GRIN2B: variants seen among roughly 807,000 people sequenced by gnomAD.
The protein encoded by GRIN2B is glutamate receptor ionotropic, NMDA 2B.
In GRIN2B, 5 loss-of-function variants were observed where a neutral mutation model predicts 114.5. The ratio of observed to expected loss-of-function variants is 0.04; its 90% CI spans 0.02 to 0.09. The LOEUF is 0.09. GRIN2B is among the 10% of genes least tolerant of loss of function. GRIN2B has a pLI of 1.00. For missense variants in GRIN2B, 1,108 were observed against 1,943.5 expected (o/e 0.57, Z 8.08); for synonymous variants, 787 against 745.1 (o/e 1.06, Z -0.92).
intron 5 of GRIN2B, among the ~76,000 whole-genome samples, chr12:13,632,890 C>T (rs1430989984): frequency 6.6e-6 from 1 of 152,204 alleles, no homozygotes; most frequent in African/African-American, 2.4e-5. Flanking sequence ...ATATTGGAAT[C>T]GCTAAGCAGG....
At chr12:13,832,119 T>C (rs1443929523) in intron 3 of GRIN2B, among the ~76,000 whole-genome samples, 2 of 152,150 alleles carry the variant, frequency 1.3e-5, no homozygotes, top group Non-Finnish European at 2.9e-5. Flanking sequence ...CAAATGAAAA[T>C]AGAGTCCATG....
chr12:13,658,600 G>A (rs1042343567), intron 5 of GRIN2B, among the ~76,000 whole-genome samples: 2 of 152,028 alleles, frequency 1.3e-5, no homozygotes, highest in Admixed American at 6.6e-5. Flanking sequence ...AGATTTTGAA[G>A]AGCACAGATC....
At chr12:13,968,033 G>C (rs1170937863) in intron 2 of GRIN2B, among the ~76,000 whole-genome samples, 1 of 152,200 alleles carries the variant, frequency 6.6e-6, no homozygotes, top group Admixed American at 6.5e-5. Context: ...TCTCCTTTCT[G>C]ACAAGTATTT....
intron 10 of GRIN2B, among the ~76,000 whole-genome samples, chr12:13,600,377 T>C (rs556741544): frequency 1.3e-5 from 2 of 152,348 alleles, no homozygotes; most frequent in Non-Finnish European, 2.9e-5. Flanking sequence ...ATCTATTTAG[T>C]AAGTCTTCTA....
intron 3 of GRIN2B, among the ~76,000 whole-genome samples, chr12:13,865,253 T>C (rs1865808909): frequency 1.3e-5 from 2 of 152,048 alleles, no homozygotes; most frequent in Admixed American, 1.3e-4. Flanking sequence ...TTTCAGTGAG[T>C]CCATTTACAA....
At chr12:13,795,127 A>C (rs1482462056) in intron 3 of GRIN2B, among the ~76,000 whole-genome samples, 1 of 152,206 alleles carries the variant, frequency 6.6e-6, no homozygotes, top group East Asian at 1.9e-4. Context: ...TTAGAACCAA[A>C]CAAGAAAAGT....
chr12:13,901,580 A>G (rs1866453716), intron 2 of GRIN2B, among the ~76,000 whole-genome samples: 1 of 152,140 alleles, frequency 6.6e-6, no homozygotes, highest in Non-Finnish European at 1.5e-5. Flanking sequence ...TTTAATTTAA[A>G]TAGGCGTATG....
intron 5 of GRIN2B, among the ~76,000 whole-genome samples, chr12:13,636,902 G>T (rs1198281211): frequency 5.3e-5 from 8 of 152,156 alleles, no homozygotes; most frequent in Admixed American, 5.2e-4. Context: ...GTTAATACTT[G>T]TAAAGCACTT....
chr12:13,952,695 G>A (rs1442831872), intron 2 of GRIN2B, among the ~76,000 whole-genome samples: 1 of 152,024 alleles, frequency 6.6e-6, no homozygotes, highest in African/African-American at 2.4e-5. Context: ...AATAGCATGA[G>A]GTTTCCAATC....
At chr12:13,574,156 T>C (rs1948743642) in intron 10 of GRIN2B, among the ~76,000 whole-genome samples, 2 of 152,210 alleles carry the variant, frequency 1.3e-5, no homozygotes, top group Non-Finnish European at 2.9e-5. Flanking sequence ...GTGGCATTGA[T>C]AGCTAACAGA....
At chr12:13,674,885 G>C (rs1383026751) in intron 5 of GRIN2B, among the ~76,000 whole-genome samples, 1 of 152,138 alleles carries the variant, frequency 6.6e-6, no homozygotes, top group Non-Finnish European at 1.5e-5. Context: ...CTCTCCTAGA[G>C]TGAGAAACAG....
In GRIN2B at chr12:13,563,490, T is replaced by C. The variant is rs768363994; in HGVS notation, c.3748A>G (p.Asn1250Asp). The stretch of plus-strand genomic sequence containing the variant: ...TTGTCCTCACTGATGTCATACAGGT[T>C]GCCTGCTTTCTTGCAAGCCTCACAC... ...IRCEACKKAG[N>D]LYDISEDNSL... Residue 1250 changes from asparagine (N) to aspartate (D), a missense_variant, in exon 14 of 14, where the codon AAC becomes GAC. Transcript: ENST00000609686. 6.2e-7 allele frequency: 1 copy of C among 1,614,206 alleles called. No individual in the cohort carries two copies. Among genetic ancestry groups the C allele is most frequent in the Non-Finnish European group, 8.5e-7 (1 of 1,180,032 alleles).
intron 4 of GRIN2B, among the ~76,000 whole-genome samples, chr12:13,739,678 A>T (rs1411795812): frequency 6.6e-6 from 1 of 152,102 alleles, no homozygotes; most frequent in African/African-American, 2.4e-5. Flanking sequence ...GATTGCATGG[A>T]GAATGGTTCT....
At chr12:13,823,885 T>C (rs924520042) in intron 3 of GRIN2B, among the ~76,000 whole-genome samples, 6 of 152,166 alleles carry the variant, frequency 3.9e-5, no homozygotes, top group Non-Finnish European at 8.8e-5. Context: ...TTCAAACTGT[T>C]CCCTGCATTA....
chr12:13,647,961 A>G (rs1407847045), intron 5 of GRIN2B, among the ~76,000 whole-genome samples: 2 of 152,118 alleles, frequency 1.3e-5, no homozygotes, highest in African/African-American at 4.8e-5. Flanking sequence ...GTCAGAGAGC[A>G]TTGGTTGAGA....
chr12:13,642,945 C>T (rs1173833927), intron 5 of GRIN2B, among the ~76,000 whole-genome samples: 1 of 152,126 alleles, frequency 6.6e-6, no homozygotes, highest in Admixed American at 6.5e-5. Context: ...GGCTACCTAG[C>T]TTATTCTTCA....
At chr12:13,678,993 G>C (rs1950103391) in intron 4 of GRIN2B, among the ~76,000 whole-genome samples, 2 of 150,866 alleles carry the variant, frequency 1.3e-5, no homozygotes, top group African/African-American at 4.9e-5. Flanking sequence ...GGAAGAAAAG[G>C]AAAGAGGAAG....
intron 8 of GRIN2B, among the ~76,000 whole-genome samples, chr12:13,612,579 C>G (rs1045827853): frequency 6.6e-6 from 1 of 152,170 alleles, no homozygotes; most frequent in African/African-American, 2.4e-5. Flanking sequence ...TACAATCTAT[C>G]CCCCATTATG....
chr12:13,973,335 G>A (rs929200315), intron 2 of GRIN2B, among the ~76,000 whole-genome samples: 1 of 152,194 alleles, frequency 6.6e-6, no homozygotes, highest in Admixed American at 6.5e-5. Context: ...GTGAGGCAGT[G>A]AGGAAAGACA....
Sources: allele counts gnomAD v4.1 joint callset (sites outside exome capture counted in the v4.1 genomes callset), GRCh38; gene constraint gnomAD v4.1.1; transcripts MANE v1.5; gene names NCBI Gene and HGNC (gene_info 2026-07-23, HGNC 2026-07-21).